CSMD1: variants seen among roughly 807,000 people sequenced by gnomAD.
The protein encoded by CSMD1 is CUB and Sushi multiple domains 1.
Under a neutral mutation model 417.5 loss-of-function variants are expected in CSMD1, and 213 were observed. That is an observed-to-expected ratio of 0.51 (90% CI 0.46 to 0.57). The LOEUF (loss-of-function observed/expected upper bound fraction) is 0.57. CSMD1 is among the 20% of genes least tolerant of loss of function. CSMD1 has a pLI of 0.00. For synonymous variants in CSMD1, 2,862 were observed against 1,736.8 expected, an observed-to-expected ratio of 1.65 and a Z score of -16.11; for missense variants, 6,923 against 4,529.7, an observed-to-expected ratio of 1.53 and a Z score of -15.17.
intron 23 of CSMD1, among the ~76,000 whole-genome samples, chr8:3,342,597 C>T (rs17320990): frequency 0.11 from 16,415 of 152,158 alleles, 1,173 homozygotes; most frequent in Non-Finnish European, 0.16. Flanking sequence ...ACTTTTGAAA[C>T]ACAGCATCTC....
intron 7 of CSMD1, among the ~76,000 whole-genome samples, chr8:3,655,561 C>A (rs1024867809): frequency 1.4e-4 from 21 of 152,008 alleles, no homozygotes; most frequent in African/African-American, 4.8e-4. Context: ...GTGTAAGGTA[C>A]CAAGAGAGAA....
Position 4,426,484 on chromosome 8 carries a change from CAT to C in CSMD1, c.303-6421_303-6420del, listed in dbSNP as rs1345624964. 4.1e-5 allele frequency among the ~76,000 whole-genome samples: 6 copies of C among 146,760 alleles called. 1 individual carries two copies. Among genetic ancestry groups the C allele is most frequent in the African/African-American group, 1.2e-4 (5 of 40,396 alleles). On this transcript the variant is annotated intron_variant, in intron 2 of 69. Transcript: ENST00000635120. Reference sequence around the variant, plus strand: ...TACAGACTACAGTTTATATATATGACATATATAGTAAAGTTTTTATATATTTT... The same window carrying C: ...TACAGACTACAGTTTATATATATGACATATAGTAAAGTTTTTATATATTTT...
At chr8:4,429,196 G>C (rs968987719) in intron 2 of CSMD1, among the ~76,000 whole-genome samples, 9 of 151,160 alleles carry the variant, frequency 6.0e-5, no homozygotes, top group South Asian at 2.1e-4. Flanking sequence ...AATTCTAAAA[G>C]GATCATGCCT....
At chr8:4,097,411 AACGTTGTATACATAT>A (rs1276856021) in intron 3 of CSMD1, among the ~76,000 whole-genome samples, 11 of 152,244 alleles carry the variant, frequency 7.2e-5, no homozygotes, top group African/African-American at 2.2e-4. Context: ...ACCACACATG[AACGTTGTATACATAT>A]ACGCTAAATA....
At chr8:4,057,155 G>A (rs1301520725) in intron 3 of CSMD1, among the ~76,000 whole-genome samples, 1 of 152,148 alleles carries the variant, frequency 6.6e-6, no homozygotes, top group Non-Finnish European at 1.5e-5. Flanking sequence ...CCCACCAACA[G>A]TGTAGTGTTC....
chr8:3,052,362 G>A, intron 50 of CSMD1, 100 bp downstream of exon 50: 2 of 767,970 alleles, frequency 2.6e-6, no homozygotes, highest in Non-Finnish European at 4.2e-6. Flanking sequence ...CTCACAAGGT[G>A]TGGGAGAGGA....
chr8:4,700,980 T>C (rs922564389), intron 1 of CSMD1, among the ~76,000 whole-genome samples: 24 of 152,172 alleles, frequency 1.6e-4, no homozygotes, highest in Admixed American at 5.2e-4. Flanking sequence ...ATACTTCTAA[T>C]AATAAGTGAG....
chr8:4,080,683 G>C (rs192159299), intron 3 of CSMD1, among the ~76,000 whole-genome samples: 2 of 152,178 alleles, frequency 1.3e-5, no homozygotes, highest in Admixed American at 6.5e-5. Flanking sequence ...ACTGAAAATG[G>C]GTATTTCTTC....
rs1424949859 is a variant in CSMD1, at chr8:3,118,544, A to T, written c.6285T>A (p.Asn2095Lys). ...TGTAATCCGAGTTGATCATGTACCC[A>T]TTCTGAAATGGGGGTGGATCTGGAC... ...QNCPDPPPFQ[N>K]GYMINSDYSV... The change falls in exon 42 of 70, where the codon AAT becomes AAA. Residue 2095 changes from asparagine to lysine, a missense_variant. Physicochemically the swap from Asn to Lys is moderately conservative, Grantham distance 94 (BLOSUM62 0). Coordinates refer to ENST00000635120, the MANE Select transcript of CSMD1 (RefSeq NM_033225.6). The T allele has an allele frequency of 1.2e-6, 2 of 1,613,956 alleles. No homozygotes were observed.
intron 49 of CSMD1, among the ~76,000 whole-genome samples, chr8:3,076,459 G>C (rs530651629): frequency 5.8e-4 from 49 of 84,110 alleles, no homozygotes; most frequent in African/African-American, 2.9e-3. Flanking sequence ...TACTTTTTTT[G>C]AGGGGACTCA....
At chr8:4,878,530 G>T (rs1470263029) in intron 1 of CSMD1, among the ~76,000 whole-genome samples, 1 of 151,782 alleles carries the variant, frequency 6.6e-6, no homozygotes, top group Non-Finnish European at 1.5e-5. Context: ...TATTCAGAAT[G>T]ATTATTTCTT....
intron 5 of CSMD1, among the ~76,000 whole-genome samples, chr8:3,874,389 G>A (rs907048982): frequency 6.6e-6 from 1 of 152,172 alleles, no homozygotes; most frequent in African/African-American, 2.4e-5. Context: ...GTACTTTTCA[G>A]TGACTCCTAC....
intron 7 of CSMD1, among the ~76,000 whole-genome samples, chr8:3,666,303 T>C (rs895004909): frequency 6.6e-6 from 1 of 152,198 alleles, no homozygotes; most frequent in Non-Finnish European, 1.5e-5. Context: ...TGAGAACCGA[T>C]GTGAAGAATA....
chr8:3,728,623 A>C lies in CSMD1; in HGVS notation c.932-20132T>G, dbSNP rs545086618. ...AAGAAAAAGGGCATCTGTGGTAGAG[A>C]CCACCATCCTGGAGCAGTCGTGTGG... On this transcript the variant is annotated intron_variant, in intron 6 of 69. Transcript: ENST00000635120. Among the ~76,000 whole-genome samples the C allele has an allele frequency of 4.5e-4, 68 of 152,212 alleles. 1 individual carries two copies. In the South Asian group the frequency reaches 0.012, roughly 27 times the overall value.
rs534714100 is a variant in CSMD1 at position 4,089,433 on chromosome 8, A to G, written c.416-57334T>C. Among the ~76,000 whole-genome samples the G allele has an allele frequency of 7.9e-5, 12 of 152,254 alleles. No homozygotes were observed. In the South Asian group the frequency reaches 2.5e-3, roughly 32 times the overall value. Reference sequence around the variant, plus strand: ...TACATGGTTAGCATTCTGTGTCATTATTTTTCACTCATTTTTGTGTCCTTC... The same window carrying G: ...TACATGGTTAGCATTCTGTGTCATTGTTTTTCACTCATTTTTGTGTCCTTC... On this transcript the variant is annotated intron_variant, in intron 3 of 69. Transcript: ENST00000635120.
At chr8:3,474,718 TA>T (rs1817309452) in intron 11 of CSMD1, among the ~76,000 whole-genome samples, 1 of 152,128 alleles carries the variant, frequency 6.6e-6, no homozygotes, top group Non-Finnish European at 1.5e-5. Flanking sequence ...AAAGACCTAT[TA>T]ATGATGTTAA....
rs118161801 is a variant in CSMD1, at chr8:3,944,687, T to C, written c.818+53216A>G. ...GAATGGTGGGAAATAAAAAGATCTA[T>C]GTTGAAAATGCCTCAGGACATTTGT... On this transcript the variant is annotated intron_variant, in intron 5 of 69. Coordinates refer to ENST00000635120, the MANE Select transcript of CSMD1 (RefSeq NM_033225.6). Among the ~76,000 whole-genome samples, 142 of 152,314 alleles carry C rather than the reference T, an allele frequency of 9.3e-4. 3 individuals carry two copies. The East Asian group carries it at 0.023, about 25-fold the overall frequency.
intron 2 of CSMD1, among the ~76,000 whole-genome samples, chr8:4,572,917 A>C (rs1446147050): frequency 6.6e-6 from 1 of 152,042 alleles, no homozygotes; most frequent in Non-Finnish European, 1.5e-5. Flanking sequence ...TCGGCTACTG[A>C]TACTTGTGTA....
chr8:4,426,004 C>G (rs532554067), intron 2 of CSMD1, among the ~76,000 whole-genome samples: 2 of 151,296 alleles, frequency 1.3e-5, no homozygotes. Context: ...ATACATTAAA[C>G]ATTTTAAAAT....
Sources: gnomAD v4.1 joint callset for allele counts (sites outside exome capture counted in the v4.1 genomes callset) on GRCh38, gnomAD v4.1.1 for gene constraint, MANE v1.5 for transcripts, NCBI Gene and HGNC (gene_info 2026-07-23, HGNC 2026-07-21) for gene names.